The following TMEM25 variants were observed in gnomAD, a reference collection of about 807,000 sequenced individuals.
TMEM25 encodes the protein transmembrane protein 25.
In TMEM25, 36 loss-of-function variants were observed where a neutral mutation model predicts 37.0. The observed-to-expected ratio is 0.97, with a 90% confidence interval of 0.75 to 1.28. The LOEUF (loss-of-function observed/expected upper bound fraction) is 1.28. Ranked by LOEUF, TMEM25 falls within the 50% of genes most tolerant of loss-of-function variation. TMEM25 has a pLI of 0.00. For missense variants in TMEM25, 444 were observed against 477.9 expected (o/e 0.93, Z 0.66); for synonymous variants, 197 against 203.7 (o/e 0.97, Z 0.28).
At position 118,534,212 on chromosome 11, in the gene TMEM25, G is replaced by T; in HGVS notation, c.938-54G>T. ...AAAGAACTTGGTGCTTGGGAGGGGC[G>T]AGGCCTCATCAGGCACACTCCTCGT... On this transcript the variant is annotated intron_variant, in intron 7 of 8. Coordinates refer to ENST00000313236, the MANE Select transcript of TMEM25 (RefSeq NM_032780.4). The surrounding 1 kb of genome is among the most constrained non-coding windows in gnomAD (Gnocchi z 4.6). 6.2e-7 allele frequency: 1 copy of T among 1,613,160 alleles called. No homozygotes were observed. The highest frequency in any genetic ancestry group is 8.5e-7 in the Non-Finnish European group (1 of 1,179,224).
At chr11:118,540,527 C>T (rs1951565302), downstream of TMEM25, among the ~76,000 whole-genome samples, 1 of 152,272 alleles carries the variant, frequency 6.6e-6, no homozygotes, top group African/African-American at 2.4e-5. Flanking sequence ...GGCAAGACTG[C>T]AAGCTCTGAG....
In TMEM25 at chr11:118,533,497, G is replaced by T; in HGVS notation, c.751G>T (p.Gly251Trp). Residue 251 changes from glycine (G) to tryptophan (W), a missense_variant, in exon 5 of 9, where the codon GGG becomes TGG. Coordinates refer to ENST00000313236, the MANE Select transcript of TMEM25 (RefSeq NM_032780.4). ...TGGGCTTGCACTGGGCACCCTCGTG[G>T]GGTTCAGCACCTTGGTGGCCTGCCT... ...AAGLALGTLV[G>W]FSTLVACLVC... is the part of the protein sequence containing the mutation. The T allele has an allele frequency of 6.2e-7, 1 of 1,614,160 alleles. No individual in the cohort carries two copies. The highest frequency in any genetic ancestry group is 8.5e-7 in the Non-Finnish European group (1 of 1,180,012).
chr11:118,532,231 C>T lies in TMEM25; in HGVS notation c.152C>T (p.Thr51Ile), dbSNP rs868947996. The change falls in exon 3 of 9, where the codon ACC becomes ATC. Residue 51 changes from threonine (T) to isoleucine (I), a missense_variant. Coordinates refer to ENST00000313236, the MANE Select transcript of TMEM25 (RefSeq NM_032780.4). ...CGGGAGAATGAACGCCACGCCTTCA[C>T]CTGCCGGGTGGCAGGGGGGCCTGGC... ...ALRENERHAF[T>I]CRVAGGPGTP... 2 of 1,613,088 alleles carry T rather than the reference C, an allele frequency of 1.2e-6. No individual in the cohort carries two copies. The highest frequency in any genetic ancestry group is 1.3e-5 in the African/African-American group (1 of 75,062).
chr11:118,544,676 T>C (rs1488458843), intron 8 of TMEM25: 4 of 439,298 alleles, frequency 9.1e-6, no homozygotes, highest in African/African-American at 6.0e-5. Context: ...CCAATTCTTA[T>C]AACTCAAATC....
intron 8 of TMEM25, among the ~76,000 whole-genome samples, chr11:118,543,927 C>A (rs931614314): frequency 6.6e-6 from 1 of 151,898 alleles, no homozygotes; most frequent in Non-Finnish European, 1.5e-5. Flanking sequence ...CTGCCTCAGT[C>A]TCCTGACTAG....
intron 1 of TMEM25, chr11:118,531,566 G>A (rs1951268933): frequency 7.0e-6 from 4 of 567,922 alleles, no homozygotes; most frequent in Non-Finnish European, 1.3e-5. Flanking sequence ...GTCAGTGCTC[G>A]CTTCTGCGCC....
chr11:118,545,586 G>A (rs1951660290), intron 8 of TMEM25: 1 of 1,188,336 alleles, frequency 8.4e-7, no homozygotes, highest in Non-Finnish European at 1.2e-6. Flanking sequence ...CCTGGCAGAT[G>A]GGGTGTCGCT....
At chr11:118,546,687 C>T (rs1419390586), downstream of TMEM25, 1 of 153,820 alleles carries the variant, frequency 6.5e-6, no homozygotes, top group Non-Finnish European at 1.4e-5. Context: ...TGGAATTGGT[C>T]ATATGTTTTA....
chr11:118,546,389 G>T (rs1951687172), exon 9 of TMEM25: 2 of 489,234 alleles, frequency 4.1e-6, no homozygotes. Context: ...TACTTGGGAG[G>T]CTGGGGTGGG....
intron 8 of TMEM25, chr11:118,545,085 C>A: frequency 8.9e-7 from 1 of 1,122,314 alleles, no homozygotes; most frequent in East Asian, 2.5e-5. Context: ...GAATTAATTT[C>A]TTTAAAATGA....
chr11:118,532,776 C>G, intron 3 of TMEM25, 141 bp from the exon 4 acceptor site: 1 of 1,228,564 alleles, frequency 8.1e-7, no homozygotes, highest in Non-Finnish European at 1.1e-6. Flanking sequence ...TGCTGCCTCT[C>G]TGGCAGACCC....
At chr11:118,539,907 G>A (rs1042842870), downstream of TMEM25, among the ~76,000 whole-genome samples, 8 of 150,696 alleles carry the variant, frequency 5.3e-5, no homozygotes, top group Non-Finnish European at 1.0e-4. Flanking sequence ...TGTAGTCCCA[G>A]CTACTCAGGA....
rs1245845603 is a variant in TMEM25 at position 118,535,124 on chromosome 11, C to T, written c.*544C>T. On this transcript the variant is annotated 3_prime_UTR_variant, in exon 9 of 9. Coordinates refer to ENST00000313236, the MANE Select transcript of TMEM25 (RefSeq NM_032780.4). ...GAAACCAACCCCTGACCCAGCGGTA[C>T]CGGCCAAGCACAAACGTCCTTTTTG... is the stretch of plus-strand genomic sequence containing the variant. 9.8e-6 allele frequency: 10 copies of T among 1,020,720 alleles called. No individual in the cohort carries two copies. Among genetic ancestry groups the T allele is most frequent in the Non-Finnish European group, 1.2e-5 (10 of 852,886 alleles). The allele number at this position is 1,020,720 out of a possible 1,614,324, so 63.2% of individuals were successfully genotyped here. A position where few individuals can be genotyped will look rare whatever the true frequency, so the allele number is the denominator to read the frequency against.
intron 8 of TMEM25, among the ~76,000 whole-genome samples, chr11:118,541,563 A>G (rs1380007040): frequency 1.3e-5 from 2 of 152,014 alleles, no homozygotes; most frequent in Non-Finnish European, 2.9e-5. Context: ...TGGGTCATTT[A>G]TTAAAAACAA....
At position 118,534,248 on chromosome 11, in the gene TMEM25, G is replaced by A; in HGVS notation, c.938-18G>A. 1.2e-6 allele frequency: 2 copies of A among 1,614,172 alleles called. No individual in the cohort carries two copies. The highest frequency in any genetic ancestry group is 1.7e-6 in the Non-Finnish European group (2 of 1,180,024). ...AGGCACACTCCTCGTCCTGAACACTGCCCTCTTTGTCAACCAGCAGTGAAA... is the reference window on the plus strand; with the variant it reads ...AGGCACACTCCTCGTCCTGAACACTACCCTCTTTGTCAACCAGCAGTGAAA... On this transcript the variant is annotated intron_variant, in intron 7 of 8. Coordinates refer to ENST00000313236, the MANE Select transcript of TMEM25 (RefSeq NM_032780.4). This position sits in a 1 kb window ranked among gnomAD's most constrained non-coding sequence, Gnocchi z 4.6.
chr11:118,545,468 T>C, intron 8 of TMEM25: 1 of 1,613,704 alleles, frequency 6.2e-7, no homozygotes, highest in South Asian at 1.1e-5. Flanking sequence ...TGGATCCGAC[T>C]CTTGTAGACA....
intron 8 of TMEM25, chr11:118,545,129 A>AG (rs879981381): frequency 8.5e-6 from 7 of 828,206 alleles, no homozygotes; most frequent in Non-Finnish European, 1.4e-5. Flanking sequence ...TCCATTCATG[A>AG]GGGAACTTGG....
chr11:118,543,993 G>A (rs925094417), intron 8 of TMEM25, among the ~76,000 whole-genome samples: 1 of 151,900 alleles, frequency 6.6e-6, no homozygotes, highest in South Asian at 2.1e-4. Context: ...TATTAGTAGA[G>A]GTGGGGTTTC....
intron 8 of TMEM25, chr11:118,545,610 T>A: frequency 9.2e-7 from 1 of 1,083,708 alleles, no homozygotes; most frequent in Non-Finnish European, 1.4e-6. Flanking sequence ...ACTTTGGGGG[T>A]TAAATACCCA....
Sources: gnomAD v4.1 joint callset for allele counts (sites outside exome capture counted in the v4.1 genomes callset) on GRCh38, gnomAD v4.1.1 for gene constraint, Gnocchi (gnomAD v3.1) non-coding constraint, MANE v1.5 for transcripts, NCBI Gene and HGNC (gene_info 2026-07-23, HGNC 2026-07-21) for gene names.